USP24: variants seen among roughly 807,000 people sequenced by gnomAD.
USP24 encodes ubiquitin carboxyl-terminal hydrolase 24.
A neutral mutation model predicts 361.6 loss-of-function variants in USP24; 97 were observed. The ratio of observed to expected loss-of-function variants is 0.27; its 90% confidence interval spans 0.23 to 0.32. The LOEUF is 0.32. Ranked by LOEUF, USP24 falls within the 10% of genes least tolerant of loss-of-function variation. USP24 has a pLI of 1.00. For synonymous variants in USP24, 1,098 were observed against 1,124.6 expected, an observed-to-expected ratio of 0.98 and a Z score of 0.47; for missense variants, 2,353 against 3,165.6, an observed-to-expected ratio of 0.74 and a Z score of 6.16.
intron 1 of USP24, among the ~76,000 whole-genome samples, chr1:55,205,214 AG>A (rs1644675389): frequency 1.3e-5 from 2 of 152,216 alleles, no homozygotes; most frequent in South Asian, 4.1e-4. Flanking sequence ...TAGTCACCAC[AG>A]AACTTTTGAG....
rs1011876028 is a variant in USP24, at chr1:55,159,695, T to C, written c.994-10A>G. 4.5e-6 allele frequency: 7 copies of C among 1,552,926 alleles called. No homozygotes were observed. Among genetic ancestry groups the C allele is most frequent in the Non-Finnish European group, 6.1e-6 (7 of 1,146,882 alleles). ...CTGGGTCTAGCATGGGCTGTAGAAA[T>C]AAAATGCTACAGTTAAGAACTCCCG... On this transcript the variant is annotated splice_polypyrimidine_tract_variant and intron_variant, in intron 8 of 67. Transcript: ENST00000294383.
chr1:55,083,124 G>T, intron 58 of USP24, 148 bp downstream of exon 58: 1 of 675,788 alleles, frequency 1.5e-6, no homozygotes, highest in East Asian at 2.9e-5. Flanking sequence ...AAGTTGTAAA[G>T]ATAATTTAAC....
rs1365440290 is a variant in USP24 at position 55,129,504 on chromosome 1, T to C, written c.3608A>G (p.Glu1203Gly). 6.2e-7 allele frequency: 1 copy of C among 1,613,932 alleles called. No individual in the cohort carries two copies. Among genetic ancestry groups the C allele is most frequent in the Non-Finnish European group, 8.5e-7 (1 of 1,179,842 alleles). ...MARSCAKSFC[E>G]NFLKAGGLSL... ...CAAACCGCCAGCTTTGAGGAAGTTT[T>C]CACAGAAGGATTTGGCACAGCTTCT... is the stretch of plus-strand genomic sequence containing the variant. Residue 1203 changes from glutamate to glycine, a missense_variant, in exon 32 of 68, where the codon GAA (glutamate) becomes GGA (glycine). Transcript: ENST00000294383.
intron 32 of USP24, 144 bp from the exon 33 acceptor site, chr1:55,125,902 CATA>C (rs1327613174): frequency 1.5e-6 from 1 of 681,582 alleles, no homozygotes; most frequent in Non-Finnish European, 2.4e-6. Flanking sequence ...ATATATCTAT[CATA>C]ATAATTTCCT....
chr1:55,177,516 C>CT (rs1486975031), intron 2 of USP24, among the ~76,000 whole-genome samples: 2 of 151,662 alleles, frequency 1.3e-5, no homozygotes, highest in Non-Finnish European at 2.9e-5. Context: ...GTTATTTTCT[C>CT]TTTTTTTAGT....
chr1:55,175,792 A>G (rs1440543824), intron 3 of USP24, among the ~76,000 whole-genome samples: 1 of 152,222 alleles, frequency 6.6e-6, no homozygotes, highest in Non-Finnish European at 1.5e-5. Flanking sequence ...CTGTTTTTAG[A>G]AACACAATTC....
chr1:55,081,556 G>T, intron 58 of USP24, 132 bp from the exon 59 acceptor site: 1 of 843,200 alleles, frequency 1.2e-6, no homozygotes, highest in Non-Finnish European at 1.9e-6. Flanking sequence ...AAGAGGTCAA[G>T]GTACAAAAAA....
At chr1:55,134,601 C>T (rs1386781062) in intron 28 of USP24, among the ~76,000 whole-genome samples, 188 bp from the exon 29 acceptor site, 5 of 152,150 alleles carry the variant, frequency 3.3e-5, no homozygotes, top group Non-Finnish European at 7.4e-5. Context: ...GGGATCACTA[C>T]CTCCTAGCGT....
In USP24 at chr1:55,103,950, T is replaced by G; in HGVS notation, c.4951A>C (p.Asn1651His). ...LVMLADSSPSNLQIIIKELLS... is the reference protein window; with the variant it reads ...LVMLADSSPSHLQIIIKELLS... ...AGTTCTTTTATAATAATTTGAAGAT[T>G]TGAAGGTGAACTATCAGCCAACATC... Residue 1651 changes from asparagine to histidine, a missense_variant, in exon 42 of 68, where the codon AAT becomes CAT. Physicochemically the swap from Asn to His is moderately conservative, Grantham distance 68. This residue lies in a region of USP24 where 949 missense variants were observed against 1,280.5 expected (regional missense o/e 0.74). Coordinates refer to ENST00000294383, the MANE Select transcript of USP24 (RefSeq NM_015306.3). The G allele has an allele frequency of 1.2e-6, 2 of 1,611,992 alleles. No homozygotes were observed. Among genetic ancestry groups the G allele is most frequent in the Non-Finnish European group, 1.7e-6 (2 of 1,178,968 alleles).
intron 1 of USP24, among the ~76,000 whole-genome samples, chr1:55,184,110 G>A (rs1254038704): frequency 6.6e-6 from 1 of 152,110 alleles, no homozygotes; most frequent in African/African-American, 2.4e-5. Context: ...AGGCTGGAGT[G>A]CAGTGGCGTA....
intron 26 of USP24, 129 bp from the exon 27 acceptor site, chr1:55,138,033 C>A: frequency 1.2e-6 from 1 of 850,944 alleles, no homozygotes; most frequent in Non-Finnish European, 1.8e-6. Context: ...AACATAAAGA[C>A]AAGAACCCCT....
At chr1:55,197,521 C>G (rs1644451709) in intron 1 of USP24, among the ~76,000 whole-genome samples, 1 of 152,156 alleles carries the variant, frequency 6.6e-6, no homozygotes, top group Non-Finnish European at 1.5e-5. Context: ...ATCCTGAGCA[C>G]AGAGAATTGT....
At chr1:55,073,029 A>G in intron 64 of USP24, 168 bp from the exon 65 acceptor site, 4 of 632,026 alleles carry the variant, frequency 6.3e-6, no homozygotes, top group Non-Finnish European at 1.1e-5. Flanking sequence ...CAGAAATTAC[A>G]ATTGCTTCCC....
intron 1 of USP24, among the ~76,000 whole-genome samples, chr1:55,214,170 C>T (rs900195497): frequency 6.6e-6 from 1 of 151,846 alleles, no homozygotes; most frequent in African/African-American, 2.4e-5. Flanking sequence ...GCCGCGGCCC[C>T]TTCCCTCTTC....
intron 1 of USP24, among the ~76,000 whole-genome samples, chr1:55,188,529 G>T (rs957061176): frequency 3.3e-5 from 5 of 151,112 alleles, no homozygotes; most frequent in Non-Finnish European, 7.4e-5. Context: ...ATAAAAAATG[G>T]GCAAAAGATT....
chr1:55,178,675 CAAAATAAA>C (rs1650243995), intron 1 of USP24, among the ~76,000 whole-genome samples: 1 of 117,468 alleles, frequency 8.5e-6, no homozygotes, highest in Admixed American at 1.1e-4. Flanking sequence ...GACTCCGTCT[CAAAATAAA>C]TAAATAAATA....
chr1:55,072,668 T>C, intron 65 of USP24, 118 bp downstream of exon 65: 1 of 1,067,736 alleles, frequency 9.4e-7, no homozygotes, highest in Non-Finnish European at 1.3e-6. Flanking sequence ...AAAGAAATGT[T>C]TGAAATCTGA....
At chr1:55,086,120 A>G in intron 55 of USP24, 82 bp from the exon 56 acceptor site, 2 of 1,356,266 alleles carry the variant, frequency 1.5e-6, no homozygotes, top group Admixed American at 3.5e-5. Context: ...CCCATCTAAT[A>G]GCCAAGAAAC....
chr1:55,087,968 C>A (rs530649124), intron 55 of USP24, among the ~76,000 whole-genome samples: 1 of 152,206 alleles, frequency 6.6e-6, no homozygotes, highest in African/African-American at 2.4e-5. Flanking sequence ...TTCAAGGAAC[C>A]AATGAGCCAG....
Sources: allele counts gnomAD v4.1 joint callset (sites outside exome capture counted in the v4.1 genomes callset), GRCh38; gene constraint gnomAD v4.1.1; regional missense constraint gnomAD v4.1.1; transcripts MANE v1.5; gene names NCBI Gene and HGNC (gene_info 2026-07-23, HGNC 2026-07-21).